Variants in RIOK3 observed in about 807,000 individuals in gnomAD.
RIOK3 encodes RIO kinase 3.
RIOK3 carries 40 observed loss-of-function variants against 63.5 expected under a neutral mutation model. The ratio of observed to expected loss-of-function variants is 0.63; its 90% CI spans 0.49 to 0.82. The LOEUF is 0.82. RIOK3 is among the 40% of genes least tolerant of loss of function. The probability of loss-of-function intolerance (pLI) is 0.00; values close to 1 mark genes in which losing one functional copy is unlikely to be tolerated. For missense variants in RIOK3, 557 were observed against 637.0 expected (o/e 0.87, Z 1.35); for synonymous variants, 193 against 205.0 (o/e 0.94, Z 0.50).
chr18:23,479,393 C>CA lies in RIOK3; in HGVS notation c.1422dup (p.Ala475SerfsTer3). On this transcript the variant is annotated frameshift_variant, in exon 12 of 13. Coordinates refer to ENST00000339486, the MANE Select transcript of RIOK3 (RefSeq NM_003831.5). LOFTEE classifies it high-confidence loss of function. ...AATGCTGTTTCAGGCTTAAACATCA[C>CA]AGCAGATAATGAAGCTGATTTTTTA... 6.2e-7 allele frequency: 1 copy of CA among 1,613,606 alleles called. No homozygotes were observed. The highest frequency in any genetic ancestry group is 8.5e-7 in the Non-Finnish European group (1 of 1,179,562).
At chr18:23,472,635 G>C (rs929805072) in intron 7 of RIOK3, among the ~76,000 whole-genome samples, 3 of 152,006 alleles carry the variant, frequency 2.0e-5, no homozygotes, top group African/African-American at 7.2e-5. Flanking sequence ...TGACAGTATC[G>C]TTCACTCGAT....
rs1171980237 is a variant in RIOK3 at position 23,464,257 on chromosome 18, A to G, written c.377A>G (p.Asp126Gly). The change falls in exon 4 of 13, where the codon GAT becomes GGT. Residue 126 changes from aspartate (D) to glycine (G), a missense_variant. Transcript: ENST00000339486. ...AAAGTGCATCCTTATGAAGACAGCGATAGCTCTGAAGATGAGGTTGACTGG... is the reference window on the plus strand; with the variant it reads ...AAAGTGCATCCTTATGAAGACAGCGGTAGCTCTGAAGATGAGGTTGACTGG... ...YRKVHPYEDS[D>G]SSEDEVDWQD... The G allele has an allele frequency of 6.2e-7, 1 of 1,614,192 alleles. No homozygotes were observed. The highest frequency in any genetic ancestry group is 8.5e-7 in the Non-Finnish European group (1 of 1,180,010).
chr18:23,467,300 G>C (rs750059336), intron 6 of RIOK3, 99 bp from the exon 7 acceptor site: 1 of 1,088,128 alleles, frequency 9.2e-7, no homozygotes, highest in Non-Finnish European at 1.3e-6. Context: ...GGTGACAAGA[G>C]CAAGACTCCG....
rs374984418 is a variant in RIOK3 at position 23,475,941 on chromosome 18, CTTTTTTTTTT to C, written c.1173+847_1173+856del. Among the ~76,000 whole-genome samples, 200 of 80,038 alleles carry C rather than the reference CTTTTTTTTTT, an allele frequency of 2.5e-3. 2 individuals are homozygous for C. The highest frequency in any genetic ancestry group is 9.1e-3 in the African/African-American group (196 of 21,550). 52.5% of individuals were successfully genotyped at this position (80,038 alleles called of 152,430 possible). On this transcript the variant is annotated intron_variant, in intron 9 of 12. Transcript: ENST00000339486. ...TCATGAATGTTATAGTTTTTTGGGG[CTTTTTTTTTT>C]TTTTTTTTTTTTCAAATAAGAGACA... is the stretch of plus-strand genomic sequence containing the variant.
chr18:23,463,452 C>CA (rs1275530456), intron 2 of RIOK3: 5 of 158,958 alleles, frequency 3.1e-5, no homozygotes, highest in African/African-American at 1.2e-4. Flanking sequence ...TCTTGTTTCC[C>CA]AGGCTAGAGT....
At position 23,473,553 on chromosome 18, in the gene RIOK3, G is replaced by T; in HGVS notation, c.940G>T (p.Asp314Tyr). The T allele has an allele frequency of 6.2e-7, 1 of 1,613,636 alleles. No homozygotes were observed. Among genetic ancestry groups the T allele is most frequent in the South Asian group, 1.1e-5 (1 of 91,028 alleles). Residue 314 changes from aspartate (D) to tyrosine (Y), a missense_variant, in exon 8 of 13, where the codon GAT becomes TAT. Around this residue, in one of 3 missense-constraint regions of RIOK3, gnomAD observed 309 missense variants for 338.7 expected, o/e 0.91. Coordinates refer to ENST00000339486, the MANE Select transcript of RIOK3 (RefSeq NM_003831.5). The part of the protein sequence containing the change: ...KYIKDDFRFK[D>Y]RFSKLNPRKI... ...TATTAAAGATGATTTCAGGTTTAAA[G>T]ATCGCTTCAGTAAACTAAATCCACG...
intron 7 of RIOK3, among the ~76,000 whole-genome samples, chr18:23,469,331 C>G (rs1418192846): frequency 0.019 from 241 of 12,578 alleles, 12 homozygotes; most frequent in African/African-American, 0.093. Flanking sequence ...CTCTCTCTCT[C>G]TCTCTCCCCC....
At chr18:23,480,925 A>G (rs1272139394) in intron 12 of RIOK3, among the ~76,000 whole-genome samples, 2 of 152,202 alleles carry the variant, frequency 1.3e-5, no homozygotes, top group South Asian at 4.1e-4. Context: ...GTCTTTACTA[A>G]AAATACAAAA....
intron 12 of RIOK3, among the ~76,000 whole-genome samples, chr18:23,479,989 C>T (rs1464265329): frequency 2.0e-5 from 3 of 152,150 alleles, no homozygotes; most frequent in Non-Finnish European, 4.4e-5. Context: ...ACTCCTATTT[C>T]CCCTATTTAA....
chr18:23,466,103 T>C (rs1484717459), intron 5 of RIOK3, 30 bp from the exon 6 acceptor site: 1 of 1,538,450 alleles, frequency 6.5e-7, no homozygotes, highest in East Asian at 2.3e-5. Flanking sequence ...TATTTTAAAA[T>C]ATTTAGATGC....
At position 23,482,015 on chromosome 18, in the gene RIOK3, G is replaced by A. The variant is rs1325782055; in HGVS notation, c.*736G>A. On this transcript the variant is annotated 3_prime_UTR_variant, in exon 13 of 13. Transcript: ENST00000339486. ...GTAAAATGGTTAGGATATAACTCAT[G>A]GTGTGGCTAATCTACATTTATCAAT... 1 of 152,126 alleles carries A rather than the reference G, an allele frequency of 6.6e-6. No homozygotes were observed. The highest frequency in any genetic ancestry group is 1.5e-5 in the Non-Finnish European group (1 of 68,028). The allele number at this position is 152,126 out of a possible 1,614,324, so 9.4% of individuals were successfully genotyped here.
intron 5 of RIOK3, among the ~76,000 whole-genome samples, chr18:23,465,274 G>A (rs1305650083): frequency 1.3e-5 from 2 of 152,270 alleles, no homozygotes; most frequent in East Asian, 3.9e-4. Context: ...GGGAGGCTGA[G>A]GCAGGAGAAT....
intron 12 of RIOK3, among the ~76,000 whole-genome samples, chr18:23,480,106 G>A (rs1234312245): frequency 2.6e-5 from 4 of 152,074 alleles, no homozygotes; most frequent in Admixed American, 2.0e-4. Context: ...GGAAATACCC[G>A]GTTATTATAA....
At chr18:23,458,063 G>GTTT (rs201406755) in intron 1 of RIOK3, among the ~76,000 whole-genome samples, 12 of 137,756 alleles carry the variant, frequency 8.7e-5, no homozygotes, top group African/African-American at 2.7e-4. Flanking sequence ...CTGGCTAGTT[G>GTTT]TTTTTTTTTT....
intron 1 of RIOK3, among the ~76,000 whole-genome samples, chr18:23,454,831 G>T (rs2057327742): frequency 6.6e-6 from 1 of 152,190 alleles, no homozygotes; most frequent in Admixed American, 6.5e-5. Flanking sequence ...GTTTTGAAAG[G>T]CAAAACAATT....
chr18:23,456,086 G>A lies in RIOK3; in HGVS notation c.63+2584G>A, dbSNP rs552926109. 1.3e-3 allele frequency among the ~76,000 whole-genome samples: 196 copies of A among 151,656 alleles called. 1 individual carries two copies. Among genetic ancestry groups the A allele is most frequent in the African/African-American group, 4.7e-3 (194 of 41,356 alleles). Reference sequence around the variant, plus strand: ...GCTGGGATTACAGGTGTGAGCCACCGCGCCCAGCCAATTTTTGTATTTTTG... The same window carrying A: ...GCTGGGATTACAGGTGTGAGCCACCACGCCCAGCCAATTTTTGTATTTTTG... On this transcript the variant is annotated intron_variant, in intron 1 of 12. Transcript: ENST00000339486.
intron 11 of RIOK3, 135 bp downstream of exon 11, chr18:23,477,403 A>T: frequency 1.4e-6 from 1 of 693,796 alleles, no homozygotes; most frequent in Non-Finnish European, 2.6e-6. Context: ...CAGGACAAGG[A>T]TATAAAGATC....
rs1233088775 is a variant in RIOK3, at chr18:23,482,487, G to A, written c.*1208G>A. 6.7e-6 allele frequency: 1 copy of A among 149,396 alleles called. No individual in the cohort carries two copies. Among genetic ancestry groups the A allele is most frequent in the Non-Finnish European group, 1.5e-5 (1 of 67,770 alleles). 9.3% of individuals were successfully genotyped at this position (149,396 alleles called of 1,614,324 possible). A position where few individuals can be genotyped will look rare whatever the true frequency, so the allele number is the denominator to read the frequency against. Reference sequence around the variant, plus strand: ...ATCATGCCACTGCACTCCGGCCTAGGTGACAGAGGGAAACTCCATCTCCAG... The same window carrying A: ...ATCATGCCACTGCACTCCGGCCTAGATGACAGAGGGAAACTCCATCTCCAG... On this transcript the variant is annotated 3_prime_UTR_variant, in exon 13 of 13. Transcript: ENST00000339486.
intron 1 of RIOK3, among the ~76,000 whole-genome samples, chr18:23,457,821 G>T (rs2057350295): frequency 6.6e-6 from 1 of 151,790 alleles, no homozygotes. Flanking sequence ...CTTCCTGTAG[G>T]TTATGTTTCT....
Sources: allele counts gnomAD v4.1 joint callset (sites outside exome capture counted in the v4.1 genomes callset), GRCh38; gene constraint gnomAD v4.1.1; regional missense constraint gnomAD v4.1.1; transcripts MANE v1.5; gene names NCBI Gene and HGNC (gene_info 2026-07-23, HGNC 2026-07-21).